Variants in CNIH2 observed in about 807,000 individuals in gnomAD.
The protein encoded by CNIH2 is cornichon family AMPA receptor auxiliary protein 2.
A neutral mutation model predicts 22.9 loss-of-function variants in CNIH2; 8 were observed. The ratio of observed to expected loss-of-function variants is 0.35; its 90% CI spans 0.20 to 0.63. The LOEUF (loss-of-function observed/expected upper bound fraction) is 0.63. CNIH2 is among the 30% of genes least tolerant of loss of function. The pLI is 0.72. For synonymous variants in CNIH2, 74 were observed against 78.2 expected, an observed-to-expected ratio of 0.95 and a Z score of 0.28; for missense variants, 105 against 206.2, an observed-to-expected ratio of 0.51 and a Z score of 3.01.
chr11:66,280,605 G>C (rs940459031), intron 1 of CNIH2, among the ~76,000 whole-genome samples: 6 of 152,168 alleles, frequency 3.9e-5, no homozygotes, highest in Non-Finnish European at 8.8e-5. Flanking sequence ...TTGTTCCGGG[G>C]GGCTGAGTCA....
intron 1 of CNIH2, among the ~76,000 whole-genome samples, chr11:66,280,765 C>T (rs970518340): frequency 1.4e-4 from 22 of 151,870 alleles, no homozygotes; most frequent in Non-Finnish European, 2.6e-4. Flanking sequence ...GGGAGCTGGG[C>T]GGGGAGGGGG....
intron 1 of CNIH2, among the ~76,000 whole-genome samples, chr11:66,278,926 C>T (rs1185722353): frequency 4.5e-5 from 5 of 110,896 alleles, no homozygotes; most frequent in South Asian, 3.8e-4. Flanking sequence ...CCCCCCCCCC[C>T]CCGCCTTTGT....
In CNIH2 at chr11:66,283,716, C is replaced by A; in HGVS notation, c.*119C>A. The A allele has an allele frequency of 2.7e-6, 3 of 1,128,526 alleles. No individual in the cohort carries two copies. The highest frequency in any genetic ancestry group is 3.0e-5 in the South Asian group (2 of 67,084). 69.9% of individuals were successfully genotyped at this position (1,128,526 alleles called of 1,614,324 possible). A position where few individuals can be genotyped will look rare whatever the true frequency, so the allele number is the denominator to read the frequency against. ...AGGGAGGGGGCACTGGTGCCCCCAG[C>A]CTCTCCAACCCCCAAACTGCTGCTG... On this transcript the variant is annotated 3_prime_UTR_variant, in exon 6 of 6. Coordinates refer to ENST00000311445, the MANE Select transcript of CNIH2 (RefSeq NM_182553.3).
rs776059852 is a variant in CNIH2 at position 66,283,583 on chromosome 11, T to C, written c.469T>C (p.Leu157=). 30 of 1,583,308 alleles carry C rather than the reference T, an allele frequency of 1.9e-5. No homozygotes were observed. In the East Asian group the frequency reaches 5.6e-4, roughly 29 times the overall value. ...FYYLYSMVYT[L]VSF is the part of the protein sequence containing the mutation. ...ATCTTCCTACAGTATGGTTTATACGTTGGTGAGTTTCTAAGGGGGAAGCCG... is the reference window on the plus strand; with the variant it reads ...ATCTTCCTACAGTATGGTTTATACGCTGGTGAGTTTCTAAGGGGGAAGCCG... The change falls in exon 6 of 6, where the codon TTG becomes CTG. Residue 157 remains leucine, a synonymous_variant. Coordinates refer to ENST00000311445, the MANE Select transcript of CNIH2 (RefSeq NM_182553.3).
intron 3 of CNIH2, 100 bp from the exon 4 acceptor site, chr11:66,282,935 C>A: frequency 3.0e-6 from 4 of 1,355,570 alleles, no homozygotes; most frequent in Non-Finnish European, 1.1e-6. Context: ...CCAGAGGTCA[C>A]GGTGGGTGGG....
At chr11:66,282,710 C>T (rs778306122) in intron 2 of CNIH2, 23 bp from the exon 3 acceptor site, 4 of 1,613,618 alleles carry the variant, frequency 2.5e-6, no homozygotes, top group Non-Finnish European at 3.4e-6. Flanking sequence ...CACCCCATCG[C>T]GGCCTTTTCC....
chr11:66,279,681 T>C (rs902691259), intron 1 of CNIH2, among the ~76,000 whole-genome samples: 1 of 152,120 alleles, frequency 6.6e-6, no homozygotes, highest in Non-Finnish European at 1.5e-5. Context: ...CTCCTTTCTC[T>C]TCCTGGGACC....
At chr11:66,279,630 G>A (rs1347528088) in intron 1 of CNIH2, among the ~76,000 whole-genome samples, 9 of 151,916 alleles carry the variant, frequency 5.9e-5, no homozygotes, top group South Asian at 2.1e-4. Context: ...CCTTCCTCCC[G>A]GTGCCTCACC....
Position 66,283,958 on chromosome 11 carries a change from A to C in CNIH2, c.*361A>C. On this transcript the variant is annotated 3_prime_UTR_variant, in exon 6 of 6. Transcript: ENST00000311445. ...TGGAAATTCTGGGCCATCCCCCTCCACCCCCACCCTGAGGCTCCCCCTGCA... is the reference window on the plus strand; with the variant it reads ...TGGAAATTCTGGGCCATCCCCCTCCCCCCCCACCCTGAGGCTCCCCCTGCA... 1 of 239,726 alleles carries C rather than the reference A, an allele frequency of 4.2e-6. No individual in the cohort carries two copies. The highest frequency in any genetic ancestry group is 6.2e-5 in the South Asian group (1 of 16,046). 14.8% of individuals were successfully genotyped at this position (239,726 alleles called of 1,614,324 possible).
chr11:66,283,714 A>T lies in CNIH2; in HGVS notation c.*117A>T. 8.7e-7 allele frequency: 1 copy of T among 1,155,522 alleles called. No individual in the cohort carries two copies. The highest frequency in any genetic ancestry group is 1.2e-6 in the Non-Finnish European group (1 of 816,798). 71.6% of individuals were successfully genotyped at this position (1,155,522 alleles called of 1,614,324 possible). A position where few individuals can be genotyped will look rare whatever the true frequency, so the allele number is the denominator to read the frequency against. On this transcript the variant is annotated 3_prime_UTR_variant, in exon 6 of 6. Coordinates refer to ENST00000311445, the MANE Select transcript of CNIH2 (RefSeq NM_182553.3). ...GGAGGGAGGGGGCACTGGTGCCCCC[A>T]GCCTCTCCAACCCCCAAACTGCTGC...
intron 1 of CNIH2, among the ~76,000 whole-genome samples, chr11:66,281,971 C>T (rs754032705): frequency 5.9e-5 from 9 of 152,100 alleles, no homozygotes; most frequent in Non-Finnish European, 1.3e-4. Flanking sequence ...CAGTGCTCAG[C>T]ACAGGGCCTG....
intron 1 of CNIH2, 85 bp downstream of exon 1, chr11:66,278,622 C>G (rs906371055): frequency 4.3e-5 from 47 of 1,091,896 alleles, no homozygotes; most frequent in Non-Finnish European, 5.6e-5. Flanking sequence ...CGGGTGGTCT[C>G]AGAGCCCAGG....
At chr11:66,282,418 T>TGG in intron 2 of CNIH2, 91 bp downstream of exon 2, 18 of 161,792 alleles carry the variant, frequency 1.1e-4, no homozygotes, top group Admixed American at 2.2e-4. Flanking sequence ...AAGACGGGGG[T>TGG]GGGGTGGGGG....
At position 66,282,874 on chromosome 11, in the gene CNIH2, T is replaced by G. The variant is rs545396431; in HGVS notation, c.198+94T>G. The G allele has an allele frequency of 1.1e-5, 16 of 1,467,912 alleles. No homozygotes were observed. The South Asian group carries it at 1.4e-4, about 13-fold the overall frequency. 90.9% of individuals were successfully genotyped at this position (1,467,912 alleles called of 1,614,324 possible). A position where few individuals can be genotyped will look rare whatever the true frequency, so the allele number is the denominator to read the frequency against. On this transcript the variant is annotated intron_variant, in intron 3 of 5. Coordinates refer to ENST00000311445, the MANE Select transcript of CNIH2 (RefSeq NM_182553.3). ...CAGGCCTTCCCCTGCTTTGGGCCTG[T>G]TTGATCCACTCTACTTGGGAGGGAG...
chr11:66,282,465 C>G, intron 2 of CNIH2, 138 bp downstream of exon 2: 2 of 1,090,800 alleles, frequency 1.8e-6, no homozygotes, highest in South Asian at 1.4e-5. Flanking sequence ...TGTCTCCGCC[C>G]CCAGCAAACA....
In CNIH2 at chr11:66,283,157, G is replaced by A. The variant is rs981194721; in HGVS notation, c.311+10G>A. On this transcript the variant is annotated intron_variant, in intron 4 of 5. Coordinates refer to ENST00000311445, the MANE Select transcript of CNIH2 (RefSeq NM_182553.3). ...TCTACCACCTCTGGAGGTGAGGGTAGCAGCTGCCTTGGGGAGGCTGAGATG... is the reference window on the plus strand; with the variant it reads ...TCTACCACCTCTGGAGGTGAGGGTAACAGCTGCCTTGGGGAGGCTGAGATG... 6.2e-7 allele frequency: 1 copy of A among 1,613,780 alleles called. No homozygotes were observed. Among genetic ancestry groups the A allele is most frequent in the Non-Finnish European group, 8.5e-7 (1 of 1,179,764 alleles).
intron 5 of CNIH2, 35 bp downstream of exon 5, chr11:66,283,426 A>C: frequency 6.2e-7 from 1 of 1,613,192 alleles, no homozygotes. Context: ...GAACTCAGGG[A>C]AGGGATGTCC....
chr11:66,282,172 C>A, intron 1 of CNIH2, 87 bp from the exon 2 acceptor site: 1 of 1,198,652 alleles, frequency 8.3e-7, no homozygotes, highest in Non-Finnish European at 1.2e-6. Flanking sequence ...CTGGCTGGTC[C>A]TCTTCAGTAA....
Position 66,283,698 on chromosome 11 carries a change from G to T in CNIH2, c.*101G>T, listed in dbSNP as rs1417088024. The stretch of plus-strand genomic sequence containing the variant: ...GAGGCCTCAGCCCTGGGGAGGGAGG[G>T]GGCACTGGTGCCCCCAGCCTCTCCA... On this transcript the variant is annotated 3_prime_UTR_variant, in exon 6 of 6. Coordinates refer to ENST00000311445, the MANE Select transcript of CNIH2 (RefSeq NM_182553.3). The T allele has an allele frequency of 7.4e-7, 1 of 1,345,060 alleles. No homozygotes were observed. The highest frequency in any genetic ancestry group is 1.0e-6 in the Non-Finnish European group (1 of 979,274). 83.3% of individuals were successfully genotyped at this position (1,345,060 alleles called of 1,614,324 possible).
Sources: allele counts gnomAD v4.1 joint callset (sites outside exome capture counted in the v4.1 genomes callset), GRCh38; gene constraint gnomAD v4.1.1; transcripts MANE v1.5; gene names NCBI Gene and HGNC (gene_info 2026-07-23, HGNC 2026-07-21).